TMEM132B: variants seen among roughly 807,000 people sequenced by gnomAD.
The protein encoded by TMEM132B is transmembrane protein 132B.
Under a neutral mutation model 90.8 loss-of-function variants are expected in TMEM132B, and 18 were observed. The ratio of observed to expected loss-of-function variants is 0.20; its 90% CI spans 0.14 to 0.29. The LOEUF (loss-of-function observed/expected upper bound fraction) is 0.29. Among genes scored for constraint, TMEM132B ranks in the 10% least tolerant of loss-of-function variants. The pLI is 1.00. For synonymous variants in TMEM132B, 504 were observed against 523.3 expected (o/e 0.96, Z 0.50); for missense variants, 1,096 against 1,326.8 (o/e 0.83, Z 2.70).
At chr12:125,550,409 T>C (rs895416693) in intron 4 of TMEM132B, among the ~76,000 whole-genome samples, 9 of 152,234 alleles carry the variant, frequency 5.9e-5, no homozygotes, top group African/African-American at 2.2e-4. Context: ...TTAGTAATTT[T>C]TATTTTGAAA....
chr12:125,565,552 G>C (rs115396796), intron 4 of TMEM132B, among the ~76,000 whole-genome samples: 4,989 of 152,282 alleles, frequency 0.033, 261 homozygotes, highest in African/African-American at 0.11. Flanking sequence ...GACTTGAAGG[G>C]TGAATGTGAG....
chr12:125,300,997 C>T (rs1360673240), intron 1 of TMEM132B: 1 of 151,740 alleles, frequency 6.6e-6, no homozygotes, highest in African/African-American at 2.4e-5. Context: ...AGGTTGCCTC[C>T]ATTGCTACGT....
rs1878002430 is a variant in TMEM132B at position 125,362,809 on chromosome 12, C to T, written c.959+12466C>T. Among the ~76,000 whole-genome samples, 4 of 152,200 alleles carry T rather than the reference C, an allele frequency of 2.6e-5. No homozygotes were observed. In the South Asian group the frequency reaches 8.3e-4, roughly 31 times the overall value. On this transcript the variant is annotated intron_variant, in intron 2 of 8. Coordinates refer to ENST00000682704, the MANE Select transcript of TMEM132B (RefSeq NM_001366854.1). Reference sequence around the variant, plus strand: ...AATACTGTAAAACAATAATCTGCAACAATACAGACAAGGCCAGCGTCCATG... The same window carrying T: ...AATACTGTAAAACAATAATCTGCAATAATACAGACAAGGCCAGCGTCCATG...
intron 1 of TMEM132B, among the ~76,000 whole-genome samples, chr12:125,216,749 TG>T (rs1873446211): frequency 6.6e-6 from 1 of 152,152 alleles, no homozygotes; most frequent in Non-Finnish European, 1.5e-5. Flanking sequence ...TGAGCTGGAA[TG>T]GTTGGGGAGT....
chr12:125,423,553 A>AT (rs1880228982), intron 3 of TMEM132B, among the ~76,000 whole-genome samples: 1 of 152,194 alleles, frequency 6.6e-6, no homozygotes, highest in African/African-American at 2.4e-5. Context: ...CACTCCACTT[A>AT]TTTTTTCTAA....
chr12:125,596,865 G>A (rs1885451753), intron 5 of TMEM132B, among the ~76,000 whole-genome samples: 1 of 152,180 alleles, frequency 6.6e-6, no homozygotes, highest in Non-Finnish European at 1.5e-5. Context: ...TCTTTTCATA[G>A]AAGCACAGTT....
At chr12:125,507,653 G>A (rs377582604) in intron 3 of TMEM132B, among the ~76,000 whole-genome samples, 9 of 152,146 alleles carry the variant, frequency 5.9e-5, no homozygotes, top group South Asian at 2.1e-4. Flanking sequence ...TAAAGGTGCC[G>A]TTGTGGCTCA....
At chr12:125,370,783 G>A (rs1878271042) in intron 2 of TMEM132B, among the ~76,000 whole-genome samples, 1 of 152,238 alleles carries the variant, frequency 6.6e-6, no homozygotes, top group Admixed American at 6.5e-5. Context: ...TCTGACACAT[G>A]TGAGTTGATG....
At chr12:125,394,528 T>C (rs56845939) in intron 2 of TMEM132B, among the ~76,000 whole-genome samples, 9,629 of 152,228 alleles carry the variant, frequency 0.063, 937 homozygotes, top group African/African-American at 0.21. Flanking sequence ...AGGTTTCTGG[T>C]TTGAGTGCTT....
intron 2 of TMEM132B, among the ~76,000 whole-genome samples, chr12:125,411,327 A>G (rs547529777): frequency 7.4e-4 from 95 of 127,922 alleles, no homozygotes; most frequent in Non-Finnish European, 1.2e-3. Flanking sequence ...ACATGGGCAT[A>G]GGGAGGGGAA....
In TMEM132B at chr12:125,445,300, C is replaced by G. The variant is rs1880976749; in HGVS notation, c.1106+29623C>G. On this transcript the variant is annotated intron_variant, in intron 3 of 8. Transcript: ENST00000682704. The surrounding 1 kb of genome is among the most constrained non-coding windows in gnomAD (Gnocchi z 4.3). ...GTGTCCTGACCCTATCACTAGAGAC[C>G]TTAGGCATAGAACCCCTTGCTGCCC... 6.6e-6 allele frequency among the ~76,000 whole-genome samples: 1 copy of G among 152,172 alleles called. No homozygotes were observed. The highest frequency in any genetic ancestry group is 2.4e-5 in the African/African-American group (1 of 41,426).
At chr12:125,279,324 C>T (rs886376743) in intron 1 of TMEM132B, among the ~76,000 whole-genome samples, 1 of 152,210 alleles carries the variant, frequency 6.6e-6, no homozygotes, top group Non-Finnish European at 1.5e-5. Context: ...ACAGGGTTGA[C>T]CTTTGGCTGG....
chr12:125,258,108 C>G (rs990525365), intron 1 of TMEM132B, among the ~76,000 whole-genome samples: 9 of 152,198 alleles, frequency 5.9e-5, no homozygotes, highest in African/African-American at 2.2e-4. Flanking sequence ...CAGGGAGCCT[C>G]TTGTGTGTAG....
intron 3 of TMEM132B, among the ~76,000 whole-genome samples, chr12:125,455,854 G>A (rs1262087472): frequency 3.3e-5 from 5 of 152,114 alleles, no homozygotes; most frequent in African/African-American, 7.2e-5. Flanking sequence ...TTACTGTTGT[G>A]GAACTTTCCA....
At position 125,612,787 on chromosome 12, in the gene TMEM132B, T is replaced by C. The variant is rs932250453; in HGVS notation, c.1437+28793T>C. 2.0e-4 allele frequency among the ~76,000 whole-genome samples: 28 copies of C among 136,758 alleles called. No homozygotes were observed. The Middle Eastern group carries it at 0.016, about 76-fold the overall frequency. 89.7% of individuals were successfully genotyped at this position (136,758 alleles called of 152,430 possible). On this transcript the variant is annotated intron_variant, in intron 5 of 8. Transcript: ENST00000682704. Reference sequence around the variant, plus strand: ...TTTCAATCTAATTTATCTTTAAAAATATATTTTTTTATTTTTTATTTTTGA... The same window carrying C: ...TTTCAATCTAATTTATCTTTAAAAACATATTTTTTTATTTTTTATTTTTGA...
At chr12:125,388,301 CG>C (rs1878906878) in intron 2 of TMEM132B, among the ~76,000 whole-genome samples, 1 of 151,958 alleles carries the variant, frequency 6.6e-6, no homozygotes, top group African/African-American at 2.4e-5. Context: ...TGGTGGTGCA[CG>C]TCTGTAATCC....
chr12:125,353,063 G>A (rs1166000472), intron 2 of TMEM132B, among the ~76,000 whole-genome samples: 1 of 152,228 alleles, frequency 6.6e-6, no homozygotes, highest in Admixed American at 6.5e-5. Flanking sequence ...TTTAGTATAA[G>A]GCAGTGTCAT....
chr12:125,508,321 G>T (rs1882896725), intron 3 of TMEM132B, among the ~76,000 whole-genome samples: 1 of 152,178 alleles, frequency 6.6e-6, no homozygotes, highest in Non-Finnish European at 1.5e-5. Context: ...TTGTAGGTCA[G>T]CCACGAACAA....
In TMEM132B at chr12:125,546,744, A is replaced by G. The variant is rs571948157; in HGVS notation, c.1293+27119A>G. ...TTACTAAAGCCATATTAAGATTTCT[A>G]TAGAGATTCTGAGAATGTAAGTTTT... On this transcript the variant is annotated intron_variant, in intron 4 of 8. Coordinates refer to ENST00000682704, the MANE Select transcript of TMEM132B (RefSeq NM_001366854.1). 4.1e-3 allele frequency among the ~76,000 whole-genome samples: 630 copies of G among 152,318 alleles called. 3 individuals carry two copies. The highest frequency in any genetic ancestry group is 0.012 in the South Asian group (58 of 4,822).
Sources: gnomAD v4.1 joint callset for allele counts (sites outside exome capture counted in the v4.1 genomes callset) on GRCh38, gnomAD v4.1.1 for gene constraint, Gnocchi (gnomAD v3.1) non-coding constraint, MANE v1.5 for transcripts, NCBI Gene and HGNC (gene_info 2026-07-23, HGNC 2026-07-21) for gene names.